CDIN1: variants seen among roughly 807,000 people sequenced by gnomAD.
CDIN1 encodes the protein CDAN1 interacting nuclease 1.
A neutral mutation model predicts 45.3 loss-of-function variants in CDIN1; 33 were observed. The ratio of observed to expected loss-of-function variants is 0.73; its 90% confidence interval spans 0.55 to 0.97. CDIN1 has a LOEUF of 0.97. Among genes scored for constraint, CDIN1 ranks in the 50% least tolerant of loss-of-function variants. CDIN1 has a pLI of 0.00. For missense variants in CDIN1, 303 were observed against 339.4 expected, an observed-to-expected ratio of 0.89 and a Z score of 0.84; for synonymous variants, 118 against 124.4, an observed-to-expected ratio of 0.95 and a Z score of 0.34.
chr15:36,656,843 C>G (rs1233580987), intron 4 of CDIN1, among the ~76,000 whole-genome samples: 2 of 152,140 alleles, frequency 1.3e-5, no homozygotes, highest in East Asian at 3.9e-4. Flanking sequence ...TGTCTAGTTA[C>G]TAAATCAAGA....
At chr15:36,655,924 T>A (rs1038544753) in intron 4 of CDIN1, among the ~76,000 whole-genome samples, 6 of 152,182 alleles carry the variant, frequency 3.9e-5, no homozygotes, top group African/African-American at 1.4e-4. Flanking sequence ...TTCAGTCTTC[T>A]AGTAATATGG....
chr15:36,602,283 G>A (rs566397676), intron 1 of CDIN1, among the ~76,000 whole-genome samples: 3 of 152,242 alleles, frequency 2.0e-5, no homozygotes, highest in African/African-American at 7.2e-5. Flanking sequence ...CACATGTATT[G>A]CAACTATAAA....
chr15:36,582,041 CTTGTGGTGATGGATATGAGCA>C (rs1288440061), intron 1 of CDIN1, among the ~76,000 whole-genome samples: 1 of 152,166 alleles, frequency 6.6e-6, no homozygotes, highest in Admixed American at 6.5e-5. Context: ...AGCTGTCAAG[CTTGTGGTGATGGATATGAGCA>C]TTCCAGTATT....
At chr15:36,747,507 A>G (rs2044488459) in intron 10 of CDIN1, among the ~76,000 whole-genome samples, 1 of 152,104 alleles carries the variant, frequency 6.6e-6, no homozygotes, top group African/African-American at 2.4e-5. Context: ...GAGTGTATTT[A>G]TTAGAATTAA....
intron 10 of CDIN1, among the ~76,000 whole-genome samples, chr15:36,722,671 G>A (rs190649613): frequency 2.6e-5 from 4 of 152,212 alleles, no homozygotes; most frequent in Non-Finnish European, 5.9e-5. Flanking sequence ...TATCATTCAG[G>A]TATCTCCTGG....
intron 5 of CDIN1, among the ~76,000 whole-genome samples, chr15:36,678,938 T>C (rs781372167): frequency 5.3e-5 from 8 of 152,196 alleles, no homozygotes; most frequent in Non-Finnish European, 8.8e-5. Context: ...GGATGTGATA[T>C]TAGTTATTCT....
chr15:36,734,416 A>T (rs1268369037), intron 10 of CDIN1: 1 of 409,246 alleles, frequency 2.4e-6, no homozygotes, highest in African/African-American at 2.1e-5. Flanking sequence ...TTTTTAAAAA[A>T]AGCTCATTTA....
intron 10 of CDIN1, chr15:36,798,519 C>T (rs1405474851): frequency 6.6e-6 from 1 of 152,216 alleles, no homozygotes; most frequent in African/African-American, 2.4e-5. Flanking sequence ...AGCATTGTGT[C>T]ACATTTGGTT....
chr15:36,746,066 G>T (rs2044418391), intron 10 of CDIN1, among the ~76,000 whole-genome samples: 1 of 152,140 alleles, frequency 6.6e-6, no homozygotes, highest in African/African-American at 2.4e-5. Context: ...AAAGGAACAG[G>T]ATCCAGGTAA....
intron 10 of CDIN1, among the ~76,000 whole-genome samples, chr15:36,730,940 A>G (rs529438115): frequency 5.3e-5 from 8 of 152,250 alleles, no homozygotes; most frequent in African/African-American, 1.9e-4. Flanking sequence ...TCCCAAAAGA[A>G]AACAAACGCC....
intron 3 of CDIN1, among the ~76,000 whole-genome samples, chr15:36,646,437 A>G (rs534478083): frequency 4.7e-4 from 71 of 152,312 alleles, no homozygotes; most frequent in Non-Finnish European, 8.4e-4. Context: ...ACACAGACAC[A>G]TACACACACA....
intron 10 of CDIN1, among the ~76,000 whole-genome samples, chr15:36,730,854 C>T (rs951667355): frequency 2.0e-5 from 3 of 152,002 alleles, no homozygotes; most frequent in South Asian, 2.1e-4. Flanking sequence ...GCTTGCTCAT[C>T]GAATTCTTTT....
rs1595611161 is a variant in CDIN1 at position 36,796,907 on chromosome 15, T to A, written c.717-11417T>A. 5.3e-5 allele frequency among the ~76,000 whole-genome samples: 8 copies of A among 152,372 alleles called. No homozygotes were observed. The South Asian group carries it at 1.4e-3, about 28-fold the overall frequency. On this transcript the variant is annotated intron_variant, in intron 10 of 10. Coordinates refer to ENST00000566621, the MANE Select transcript of CDIN1 (RefSeq NM_001321759.2). ...AAGTTCACATATTTGCATTTCCCTTTTGCTGAGCTTAATTTTCTATTTTGC... is the reference window on the plus strand; with the variant it reads ...AAGTTCACATATTTGCATTTCCCTTATGCTGAGCTTAATTTTCTATTTTGC...
At chr15:36,611,784 G>GT (rs1399078555) in intron 1 of CDIN1, among the ~76,000 whole-genome samples, 3 of 152,000 alleles carry the variant, frequency 2.0e-5, no homozygotes, top group Admixed American at 6.6e-5. Context: ...ATATCAAGTT[G>GT]TTTTTTTGGT....
chr15:36,793,485 G>A (rs2054701524), intron 10 of CDIN1, among the ~76,000 whole-genome samples: 1 of 152,090 alleles, frequency 6.6e-6, no homozygotes, highest in African/African-American at 2.4e-5. Context: ...TGTCCTATCA[G>A]AATAATGCAT....
intron 10 of CDIN1, among the ~76,000 whole-genome samples, chr15:36,786,854 C>T (rs2054504458): frequency 6.6e-6 from 1 of 152,002 alleles, no homozygotes. Context: ...TGACCACTCT[C>T]CTCTCTCTGA....
intron 10 of CDIN1, among the ~76,000 whole-genome samples, chr15:36,740,476 CGA>C (rs1201938128): frequency 6.6e-6 from 1 of 152,088 alleles, no homozygotes. Context: ...GTGGTGATAC[CGA>C]GAGATGGTAG....
At chr15:36,708,458 A>ATTTTT (rs3045907) in intron 8 of CDIN1, 1 of 139,158 alleles carries the variant, frequency 7.2e-6, no homozygotes. Context: ...ATATTGGTGG[A>ATTTTT]TTTTTTTTTT....
intron 10 of CDIN1, among the ~76,000 whole-genome samples, chr15:36,806,614 A>G (rs1028655857): frequency 1.3e-5 from 2 of 152,124 alleles, no homozygotes; most frequent in African/African-American, 4.8e-5. Flanking sequence ...TGCTTCACTG[A>G]TGGGAAGGTT....
Sources: allele counts gnomAD v4.1 joint callset (sites outside exome capture counted in the v4.1 genomes callset), GRCh38; gene constraint gnomAD v4.1.1; transcripts MANE v1.5; gene names NCBI Gene and HGNC (gene_info 2026-07-23, HGNC 2026-07-21).